Variants in KCNQ3 observed in about 807,000 individuals in gnomAD.
KCNQ3 encodes potassium voltage-gated channel subfamily KQT member 3.
Under a neutral mutation model 92.5 loss-of-function variants are expected in KCNQ3, and 30 were observed. The observed-to-expected ratio is 0.32, with a 90% CI of 0.24 to 0.44. The LOEUF is 0.44. Among genes scored for constraint, KCNQ3 ranks in the 20% least tolerant of loss-of-function variants. The pLI, the probability that KCNQ3 is intolerant of heterozygous loss-of-function variation, is 1.00. For synonymous variants in KCNQ3, 450 were observed against 468.8 expected (o/e 0.96, Z 0.52); for missense variants, 913 against 1,140.3 (o/e 0.80, Z 2.87).
At chr8:132,190,558 T>G (rs62519620) in intron 1 of KCNQ3, among the ~76,000 whole-genome samples, 18,176 of 152,144 alleles carry the variant, frequency 0.12, 2,055 homozygotes, top group African/African-American at 0.3. Flanking sequence ...ACTGGCTGAT[T>G]ACCAGCATGA....
At chr8:132,143,019 G>T (rs563368615) in intron 9 of KCNQ3, among the ~76,000 whole-genome samples, 1 of 152,192 alleles carries the variant, frequency 6.6e-6, no homozygotes, top group Non-Finnish European at 1.5e-5. Context: ...CATACGGAAG[G>T]CATTAAGAAA....
intron 1 of KCNQ3, among the ~76,000 whole-genome samples, chr8:132,377,385 T>C (rs996923742): frequency 1.3e-5 from 2 of 152,118 alleles, no homozygotes; most frequent in Non-Finnish European, 2.9e-5. Context: ...CAATCCCTCA[T>C]AATAAATGCC....
intron 1 of KCNQ3, among the ~76,000 whole-genome samples, chr8:132,441,414 C>T (rs1036300959): frequency 3.3e-5 from 5 of 151,978 alleles, no homozygotes; most frequent in South Asian, 2.1e-4. Flanking sequence ...ATTAGCCAGG[C>T]GCGGTGGCAG....
chr8:132,214,786 A>C (rs184922948), intron 1 of KCNQ3, among the ~76,000 whole-genome samples: 57 of 152,382 alleles, frequency 3.7e-4, no homozygotes, highest in African/African-American at 1.3e-3. Flanking sequence ...GAGGAGACTT[A>C]GACAGATTAG....
rs746863993 is a variant in KCNQ3 at position 132,184,374 on chromosome 8, G to A, written c.478-7C>T. ...TGAAAATAGCAAATGTCTCCTGCAT[G>A]GAAGAGCATATGGAGAGGCACTGAT... On this transcript the variant is annotated splice_region_variant and splice_polypyrimidine_tract_variant and intron_variant, in intron 2 of 14. Coordinates refer to ENST00000388996, the MANE Select transcript of KCNQ3 (RefSeq NM_004519.4). 6.2e-7 allele frequency: 1 copy of A among 1,613,934 alleles called. No individual in the cohort carries two copies. Among genetic ancestry groups the A allele is most frequent in the East Asian group, 2.2e-5 (1 of 44,870 alleles).
At chr8:132,462,468 G>A (rs892325664) in intron 1 of KCNQ3, among the ~76,000 whole-genome samples, 2 of 152,314 alleles carry the variant, frequency 1.3e-5, no homozygotes, top group East Asian at 1.9e-4. Context: ...AATTACAGGC[G>A]TGAGCCACTG....
At position 132,244,583 on chromosome 8, in the gene KCNQ3, A is replaced by G. The variant is rs1056688598; in HGVS notation, c.387-58402T>C. Among the ~76,000 whole-genome samples, 5 of 152,340 alleles carry G rather than the reference A, an allele frequency of 3.3e-5. No individual in the cohort carries two copies. In the East Asian group the frequency reaches 5.8e-4, roughly 18 times the overall value. ...CATCCTGTGTGATTCAGTGTTATAC[A>G]GTGTCCTGTTTCTCCATTTACTTTC... On this transcript the variant is annotated intron_variant, in intron 1 of 14. Transcript: ENST00000388996.
chr8:132,289,508 G>C (rs185428615), intron 1 of KCNQ3, among the ~76,000 whole-genome samples: 1 of 152,224 alleles, frequency 6.6e-6, no homozygotes, highest in Admixed American at 6.5e-5. Flanking sequence ...ACTCTGCACT[G>C]TTTTCTCATT....
intron 1 of KCNQ3, among the ~76,000 whole-genome samples, chr8:132,378,385 C>T (rs1395911517): frequency 6.6e-6 from 1 of 151,636 alleles, no homozygotes; most frequent in African/African-American, 2.4e-5. Context: ...GAGCAAGACT[C>T]TCTCTTTAAA....
chr8:132,244,664 A>G (rs1815103444), intron 1 of KCNQ3, among the ~76,000 whole-genome samples: 1 of 152,176 alleles, frequency 6.6e-6, no homozygotes, highest in Admixed American at 6.5e-5. Flanking sequence ...CCAGACACAC[A>G]TTTTGCACAT....
rs146231606 is a variant in KCNQ3 at position 132,156,819 on chromosome 8, T to C, written c.1262+6649A>G. On this transcript the variant is annotated intron_variant, in intron 9 of 14. Coordinates refer to ENST00000388996, the MANE Select transcript of KCNQ3 (RefSeq NM_004519.4). ...GGAATCAAGTAAAGATGAGGGCATATTGAATTAGGGTGGGCCTGTAATCCA... is the reference window on the plus strand; with the variant it reads ...GGAATCAAGTAAAGATGAGGGCATACTGAATTAGGGTGGGCCTGTAATCCA... Among the ~76,000 whole-genome samples the C allele has an allele frequency of 1.5e-3, 224 of 152,254 alleles. 2 individuals are homozygous for C. Among genetic ancestry groups the C allele is most frequent in the Non-Finnish European group, 2.3e-3 (155 of 68,026 alleles).
At position 132,262,754 on chromosome 8, in the gene KCNQ3, G is replaced by A. The variant is rs569703010; in HGVS notation, c.387-76573C>T. 1.3e-4 allele frequency among the ~76,000 whole-genome samples: 19 copies of A among 151,544 alleles called. No homozygotes were observed. The South Asian group carries it at 1.7e-3, about 13-fold the overall frequency. On this transcript the variant is annotated intron_variant, in intron 1 of 14. Coordinates refer to ENST00000388996, the MANE Select transcript of KCNQ3 (RefSeq NM_004519.4). ...ATGACACCATGACACTGTTACACCC[G>A]TCTTGGACAGACATAAGAGAAAAAG...
chr8:132,324,069 T>C (rs1417360333), intron 1 of KCNQ3, among the ~76,000 whole-genome samples: 2 of 152,152 alleles, frequency 1.3e-5, no homozygotes, highest in Non-Finnish European at 2.9e-5. Flanking sequence ...TCCCTCCATA[T>C]CTTAGTTCTT....
intron 1 of KCNQ3, among the ~76,000 whole-genome samples, chr8:132,281,547 TG>T (rs1816516974): frequency 1.0e-5 from 1 of 95,336 alleles, no homozygotes; most frequent in Non-Finnish European, 2.3e-5. Flanking sequence ...TATATGTGTG[TG>T]TATATATATA....
At chr8:132,416,001 C>G (rs1190160398) in intron 1 of KCNQ3, among the ~76,000 whole-genome samples, 3 of 152,170 alleles carry the variant, frequency 2.0e-5, no homozygotes, top group Non-Finnish European at 4.4e-5. Flanking sequence ...ACCAGAGGTT[C>G]AGGGAGGTCA....
At chr8:132,479,064 C>T (rs1203718385) in intron 1 of KCNQ3, among the ~76,000 whole-genome samples, 2 of 152,152 alleles carry the variant, frequency 1.3e-5, no homozygotes, top group Non-Finnish European at 2.9e-5. Context: ...ATCAGGATGA[C>T]TAAACCAGAG....
chr8:132,171,794 T>G (rs1048485376), intron 7 of KCNQ3, among the ~76,000 whole-genome samples: 1 of 151,952 alleles, frequency 6.6e-6, no homozygotes, highest in Non-Finnish European at 1.5e-5. Context: ...TGAGGGGAAG[T>G]AGAAGGAGAA....
At chr8:132,429,861 CAAAAAAAAAA>C (rs374921143) in intron 1 of KCNQ3, among the ~76,000 whole-genome samples, 5 of 64,102 alleles carry the variant, frequency 7.8e-5, no homozygotes, top group African/African-American at 2.9e-4. Context: ...AACTCCTTCT[CAAAAAAAAAA>C]AAAAAAAAAA....
At chr8:132,455,886 C>T (rs1022693925) in intron 1 of KCNQ3, among the ~76,000 whole-genome samples, 4 of 152,086 alleles carry the variant, frequency 2.6e-5, no homozygotes, top group African/African-American at 9.7e-5. Context: ...GGACTACAGG[C>T]ACCCACCACC....
Sources: gnomAD v4.1 joint callset for allele counts (sites outside exome capture counted in the v4.1 genomes callset) on GRCh38, gnomAD v4.1.1 for gene constraint, MANE v1.5 for transcripts, NCBI Gene and HGNC (gene_info 2026-07-23, HGNC 2026-07-21) for gene names.